The following ADAMTS16 variants were observed in gnomAD, a reference collection of about 807,000 sequenced individuals.
ADAMTS16 encodes the protein ADAM metallopeptidase with thrombospondin type 1 motif 16.
In ADAMTS16, 94 loss-of-function variants were observed where a neutral mutation model predicts 145.8. That is an observed-to-expected ratio of 0.64 (90% CI 0.55 to 0.77). ADAMTS16 has a LOEUF of 0.77. Ranked by LOEUF, ADAMTS16 falls within the 30% of genes least tolerant of loss-of-function variation. The pLI, the probability that ADAMTS16 is intolerant of heterozygous loss-of-function variation, is 0.00. For synonymous variants in ADAMTS16, 659 were observed against 604.3 expected (o/e 1.09, Z -1.33); for missense variants, 1,585 against 1,591.5 (o/e 1.00, Z 0.07).
intron 17 of ADAMTS16, among the ~76,000 whole-genome samples, chr5:5,245,996 A>G (rs1399822878): frequency 6.6e-6 from 1 of 152,200 alleles, no homozygotes; most frequent in Non-Finnish European, 1.5e-5. Context: ...CAGCATGCCA[A>G]GAATATTGCC....
chr5:5,218,914 G>T (rs1736513282), intron 10 of ADAMTS16, among the ~76,000 whole-genome samples: 1 of 152,138 alleles, frequency 6.6e-6, no homozygotes, highest in Non-Finnish European at 1.5e-5. Flanking sequence ...GTGTCTGCTG[G>T]TCTGTTCCTC....
chr5:5,245,901 A>T (rs1423193296), intron 17 of ADAMTS16, among the ~76,000 whole-genome samples: 1 of 151,974 alleles, frequency 6.6e-6, no homozygotes, highest in East Asian at 1.9e-4. Flanking sequence ...TTTAATTTCA[A>T]TGTTCCTGCT....
At chr5:5,186,299 A>G (rs1423735613) in intron 5 of ADAMTS16, 48 bp downstream of exon 5, 1 of 1,040,896 alleles carries the variant, frequency 9.6e-7, no homozygotes, top group Non-Finnish European at 1.4e-6. Flanking sequence ...TGCACTTCGT[A>G]GGGTGTGTGT....
At chr5:5,248,480 C>A (rs78285213) in intron 17 of ADAMTS16, among the ~76,000 whole-genome samples, 3,868 of 152,314 alleles carry the variant, frequency 0.025, 71 homozygotes, top group Middle Eastern at 0.054. Flanking sequence ...AGCTTATGCC[C>A]TTCCTTTCTC....
At chr5:5,312,759 C>G (rs1740511434) in intron 21 of ADAMTS16, among the ~76,000 whole-genome samples, 1 of 152,130 alleles carries the variant, frequency 6.6e-6, no homozygotes, top group South Asian at 2.1e-4. Context: ...CACCCAGCCC[C>G]CTTCCTTTTG....
chr5:5,214,343 T>C (rs1736365623), intron 10 of ADAMTS16, among the ~76,000 whole-genome samples: 1 of 152,212 alleles, frequency 6.6e-6, no homozygotes, highest in African/African-American at 2.4e-5. Context: ...TAATGTCAGA[T>C]CATTCCTTAT....
intron 17 of ADAMTS16, among the ~76,000 whole-genome samples, chr5:5,243,274 G>A (rs961794842): frequency 1.4e-4 from 22 of 152,200 alleles, no homozygotes; most frequent in African/African-American, 5.3e-4. Context: ...ATGACTGAAT[G>A]AAATACTGTC....
intron 17 of ADAMTS16, among the ~76,000 whole-genome samples, chr5:5,252,456 AC>A (rs1233185696): frequency 2.6e-5 from 4 of 152,102 alleles, no homozygotes; most frequent in African/African-American, 9.7e-5. Flanking sequence ...CACCTTTACG[AC>A]CTTTGAAAGG....
At chr5:5,144,863 T>A (rs1734252441) in intron 2 of ADAMTS16, among the ~76,000 whole-genome samples, 1 of 152,230 alleles carries the variant, frequency 6.6e-6, no homozygotes, top group South Asian at 2.1e-4. Context: ...TTACAGGCTC[T>A]GTCTTTGAGT....
chr5:5,150,235 C>T lies in ADAMTS16; in HGVS notation c.501+3780C>T, dbSNP rs568372794. Among the ~76,000 whole-genome samples the T allele has an allele frequency of 1.1e-4, 17 of 152,280 alleles. No homozygotes were observed. In the East Asian group the frequency reaches 1.7e-3, roughly 16 times the overall value. On this transcript the variant is annotated intron_variant, in intron 3 of 22. Transcript: ENST00000274181. The stretch of plus-strand genomic sequence containing the variant: ...TTTTAAATAGCCATCCCAGTGAGTA[C>T]GAAGTAGTATCCTTTGTGGTTCTGA...
At chr5:5,290,379 G>A (rs1050833687) in intron 18 of ADAMTS16, among the ~76,000 whole-genome samples, 2 of 152,210 alleles carry the variant, frequency 1.3e-5, no homozygotes, top group African/African-American at 4.8e-5. Flanking sequence ...CCTAGGCCGG[G>A]CGTGGTGGCT....
At chr5:5,174,299 C>T (rs964093771) in intron 3 of ADAMTS16, among the ~76,000 whole-genome samples, 3 of 152,132 alleles carry the variant, frequency 2.0e-5, no homozygotes, top group East Asian at 3.8e-4. Flanking sequence ...ATGGTTTCCA[C>T]TGAGAAGTCT....
chr5:5,215,333 A>T (rs1332493378), intron 10 of ADAMTS16, among the ~76,000 whole-genome samples: 1 of 152,188 alleles, frequency 6.6e-6, no homozygotes, highest in Non-Finnish European at 1.5e-5. Context: ...CTGTAACATC[A>T]ATTGTAACTG....
chr5:5,253,347 A>G (rs1384107995), intron 17 of ADAMTS16, among the ~76,000 whole-genome samples: 3 of 152,230 alleles, frequency 2.0e-5, no homozygotes, highest in Admixed American at 6.5e-5. Flanking sequence ...TCCAGGTTAC[A>G]AGTAGATACA....
chr5:5,284,828 T>C (rs886652642), intron 18 of ADAMTS16, among the ~76,000 whole-genome samples: 4 of 152,238 alleles, frequency 2.6e-5, no homozygotes, highest in African/African-American at 7.2e-5. Context: ...TTCTGTAGGT[T>C]CCATGTGAGG....
chr5:5,280,075 A>C (rs1244053177), intron 18 of ADAMTS16, among the ~76,000 whole-genome samples: 1 of 150,224 alleles, frequency 6.7e-6, no homozygotes, highest in Non-Finnish European at 1.5e-5. Context: ...CAATCCTTCC[A>C]GTGTCTGAGT....
At chr5:5,247,651 C>T (rs770289374) in intron 17 of ADAMTS16, among the ~76,000 whole-genome samples, 1 of 152,244 alleles carries the variant, frequency 6.6e-6, no homozygotes. Flanking sequence ...TTCTTCTCCA[C>T]CTTCGCTGTG....
chr5:5,212,477 A>C (rs569092023), intron 10 of ADAMTS16, among the ~76,000 whole-genome samples: 1 of 152,116 alleles, frequency 6.6e-6, no homozygotes, highest in African/African-American at 2.4e-5. Flanking sequence ...GAAGCTTCAT[A>C]ATTCGGTGCA....
rs771660022 is a variant in ADAMTS16, at chr5:5,252,827, T to A, written c.2663-9830T>A. Among the ~76,000 whole-genome samples the A allele has an allele frequency of 6.6e-4, 100 of 152,170 alleles. 1 individual carries two copies. Among genetic ancestry groups the A allele is most frequent in the Admixed American group, 4.9e-3 (75 of 15,270 alleles). The stretch of plus-strand genomic sequence containing the variant: ...GGCCATGCCATATGTAAGCATCAGC[T>A]TGCTCCCACCACCTTCTCTCAAGGG... On this transcript the variant is annotated intron_variant, in intron 17 of 22. Transcript: ENST00000274181.
Sources: gnomAD v4.1 joint callset for allele counts (sites outside exome capture counted in the v4.1 genomes callset) on GRCh38, gnomAD v4.1.1 for gene constraint, MANE v1.5 for transcripts, NCBI Gene and HGNC (gene_info 2026-07-23, HGNC 2026-07-21) for gene names.